SNX25: variants seen among roughly 807,000 people sequenced by gnomAD.
SNX25 encodes sorting nexin 25, also known as sorting nexin-25.
In SNX25, 62 loss-of-function variants were observed where a neutral mutation model predicts 113.7. The ratio of observed to expected loss-of-function variants is 0.55; its 90% CI spans 0.44 to 0.67. The LOEUF is 0.67. SNX25 is among the 30% of genes least tolerant of loss of function. SNX25 has a pLI of 0.00. For synonymous variants in SNX25, 421 were observed against 436.2 expected (o/e 0.97, Z 0.43); for missense variants, 1,014 against 1,161.0 (o/e 0.87, Z 1.84).
At chr4:185,358,866 G>GATGAAAATATCACTTGGAA (rs1453810602) in intron 16 of SNX25, among the ~76,000 whole-genome samples, 1 of 152,104 alleles carries the variant, frequency 6.6e-6, no homozygotes, top group Non-Finnish European at 1.5e-5. Context: ...GAAATTATCA[G>GATGAAAATATCACTTGGAA]ATTTTCCCAA....
At chr4:185,373,617 G>C (rs1333590750), downstream of SNX25, among the ~76,000 whole-genome samples, 2 of 152,158 alleles carry the variant, frequency 1.3e-5, no homozygotes, top group Non-Finnish European at 1.5e-5. Flanking sequence ...TCCAAAGATG[G>C]CCTTAGTTGT....
At chr4:185,332,782 G>T (rs1395103334) in intron 10 of SNX25, 23 bp downstream of exon 10, 1 of 1,603,810 alleles carries the variant, frequency 6.2e-7, no homozygotes, top group South Asian at 1.1e-5. Context: ...TTTCAAGGTT[G>T]TCTTTGAAAG....
At chr4:185,361,189 A>T (rs904625867) in intron 16 of SNX25, among the ~76,000 whole-genome samples, 2 of 152,126 alleles carry the variant, frequency 1.3e-5, no homozygotes, top group Non-Finnish European at 2.9e-5. Context: ...CCATAGCAAC[A>T]CTAAAAGACA....
chr4:185,263,233 GT>G (rs200770912), intron 3 of SNX25, among the ~76,000 whole-genome samples: 11 of 151,210 alleles, frequency 7.3e-5, no homozygotes, highest in African/African-American at 1.5e-4. Context: ...TGTAAAAGTG[GT>G]TTTTTTTTCC....
chr4:185,331,202 C>A (rs74719437), intron 9 of SNX25, among the ~76,000 whole-genome samples: 1,908 of 152,168 alleles, frequency 0.013, 41 homozygotes, highest in African/African-American at 0.043. Flanking sequence ...TGTAGAAAAA[C>A]GTTTATGCAT....
chr4:185,301,078 T>C (rs1386308704), intron 6 of SNX25, among the ~76,000 whole-genome samples: 2 of 151,906 alleles, frequency 1.3e-5, no homozygotes. Context: ...CCAAAGAGGG[T>C]CCTGCCCCAT....
At chr4:185,339,607 T>C in intron 11 of SNX25, 97 bp downstream of exon 11, 1 of 1,439,166 alleles carries the variant, frequency 6.9e-7, no homozygotes, top group Non-Finnish European at 9.3e-7. Context: ...GTAGAAAACT[T>C]ACACTCATTC....
At chr4:185,256,898 A>G (rs1339739777) in intron 2 of SNX25, among the ~76,000 whole-genome samples, 1 of 152,062 alleles carries the variant, frequency 6.6e-6, no homozygotes, top group Non-Finnish European at 1.5e-5. Context: ...TTCTGGGATT[A>G]CAGGAATGAG....
intron 9 of SNX25, among the ~76,000 whole-genome samples, chr4:185,324,505 A>T (rs1365059275): frequency 6.6e-6 from 1 of 151,704 alleles, no homozygotes; most frequent in African/African-American, 2.4e-5. Context: ...TGTGGAGGAG[A>T]AGTTTATTGC....
chr4:185,290,197 G>T (rs1751948011), intron 6 of SNX25, among the ~76,000 whole-genome samples: 1 of 152,212 alleles, frequency 6.6e-6, no homozygotes, highest in Admixed American at 6.5e-5. Context: ...ACATCCTAAG[G>T]TACTTGGCGT....
At chr4:185,251,962 T>C (rs1300406682) in intron 2 of SNX25, among the ~76,000 whole-genome samples, 2 of 152,122 alleles carry the variant, frequency 1.3e-5, no homozygotes, top group African/African-American at 2.4e-5. Context: ...TACTTTGCTT[T>C]TTTTTTTCTT....
chr4:185,293,750 G>T (rs1375040923), intron 6 of SNX25, among the ~76,000 whole-genome samples: 1 of 151,902 alleles, frequency 6.6e-6, no homozygotes, highest in African/African-American at 2.4e-5. Context: ...TTATGGTTAT[G>T]GTCTGGTTAT....
intron 5 of SNX25, among the ~76,000 whole-genome samples, chr4:185,281,770 C>CT (rs1750596536): frequency 6.6e-6 from 1 of 152,144 alleles, no homozygotes; most frequent in Non-Finnish European, 1.5e-5. Context: ...AATCCCAGCA[C>CT]TTTGGGAGGC....
intron 5 of SNX25, among the ~76,000 whole-genome samples, chr4:185,277,691 G>A (rs932949314): frequency 6.7e-6 from 1 of 148,164 alleles, no homozygotes; most frequent in Non-Finnish European, 1.5e-5. Context: ...AAAGTTATTA[G>A]GAAATGATGA....
intron 15 of SNX25, among the ~76,000 whole-genome samples, 183 bp downstream of exon 15, chr4:185,353,785 C>T (rs555084317): frequency 5.3e-5 from 8 of 152,302 alleles, no homozygotes; most frequent in African/African-American, 1.9e-4. Context: ...GTGGCTCACG[C>T]CTGTAATCCC....
chr4:185,322,685 C>G (rs566496472), intron 8 of SNX25, among the ~76,000 whole-genome samples: 28 of 152,278 alleles, frequency 1.8e-4, no homozygotes, highest in Non-Finnish European at 3.5e-4. Flanking sequence ...CACATAACTT[C>G]TGGTTGTTCT....
chr4:185,361,503 T>C (rs2095363675), intron 16 of SNX25, among the ~76,000 whole-genome samples: 1 of 152,180 alleles, frequency 6.6e-6, no homozygotes, highest in African/African-American at 2.4e-5. Flanking sequence ...CTTGGGAGGC[T>C]GAGGCGGGTG....
chr4:185,233,856 G>GTTA (rs34578677), intron 1 of SNX25, among the ~76,000 whole-genome samples: 56,857 of 151,148 alleles, frequency 0.38, 12,953 homozygotes, highest in East Asian at 0.61. Flanking sequence ...CAACTTAAGT[G>GTTA]TTATTATTAT....
At position 185,362,228 on chromosome 4, in the gene SNX25, C is replaced by G. The variant is rs114986896; in HGVS notation, c.2833+123C>G. The G allele has an allele frequency of 1.1e-3, 1,473 of 1,395,348 alleles. 15 individuals carry two copies. In the African/African-American group the frequency reaches 0.02, roughly 19 times the overall value. The allele number at this position is 1,395,348 out of a possible 1,614,324, so 86.4% of individuals were successfully genotyped here. A position where few individuals can be genotyped will look rare whatever the true frequency, so the allele number is the denominator to read the frequency against. On this transcript the variant is annotated intron_variant, in intron 17 of 18. Coordinates refer to ENST00000652585, the MANE Select transcript of SNX25 (RefSeq NM_001378034.2). ...TACAATGAAAAAAAAAAGGATCATA[C>G]TCTTTTAAGCCATTTTTTGTCACTT...
Sources: gnomAD v4.1 joint callset for allele counts (sites outside exome capture counted in the v4.1 genomes callset) on GRCh38, gnomAD v4.1.1 for gene constraint, MANE v1.5 for transcripts, NCBI Gene and HGNC (gene_info 2026-07-23, HGNC 2026-07-21) for gene names.